Variants in KIAA1217 observed in about 807,000 individuals in gnomAD.
KIAA1217 encodes the protein KIAA1217.
A neutral mutation model predicts 163.9 loss-of-function variants in KIAA1217; 88 were observed. That is an observed-to-expected ratio of 0.54 (90% confidence interval 0.45 to 0.64). KIAA1217 has a LOEUF of 0.64. KIAA1217 is among the 30% of genes least tolerant of loss of function. The pLI, the probability that KIAA1217 is intolerant of heterozygous loss-of-function variation, is 0.00. For missense variants in KIAA1217, 2,372 were observed against 2,475.0 expected (o/e 0.96, Z 0.88); for synonymous variants, 903 against 923.1 (o/e 0.98, Z 0.39).
chr10:24,252,648 A>G, intron 2 of KIAA1217, among the ~76,000 whole-genome samples: 1 of 152,170 alleles, frequency 6.6e-6, no homozygotes, highest in East Asian at 1.9e-4. Context: ...GGAAAAAAAA[A>G]ATAACCATTC....
chr10:23,938,458 A>C (rs957908511), intron 1 of KIAA1217, among the ~76,000 whole-genome samples: 14 of 152,146 alleles, frequency 9.2e-5, no homozygotes, highest in Non-Finnish European at 1.6e-4. Flanking sequence ...TGCATTCTGC[A>C]TCCGTGGTTT....
chr10:24,415,045 C>T (rs1431989042), intron 3 of KIAA1217, among the ~76,000 whole-genome samples: 3 of 151,408 alleles, frequency 2.0e-5, no homozygotes, highest in Non-Finnish European at 2.9e-5. Flanking sequence ...AAGATGGCTG[C>T]TCTTAAAGTC....
chr10:24,244,179 G>A (rs1164320809), intron 2 of KIAA1217, among the ~76,000 whole-genome samples: 2 of 152,138 alleles, frequency 1.3e-5, no homozygotes, highest in Admixed American at 1.3e-4. Context: ...CTCTTTGAAT[G>A]TCATTTTTGG....
At chr10:24,415,905 G>A (rs1212329421) in intron 3 of KIAA1217, among the ~76,000 whole-genome samples, 1 of 152,186 alleles carries the variant, frequency 6.6e-6, no homozygotes, top group African/African-American at 2.4e-5. Context: ...TGTGGCGTGG[G>A]CCTGAGGACG....
chr10:23,715,861 A>G (rs2130747858), intron 1 of KIAA1217, among the ~76,000 whole-genome samples: 1 of 152,304 alleles, frequency 6.6e-6, no homozygotes, highest in Middle Eastern at 3.4e-3. Context: ...AAATGTCATT[A>G]CTCAGTTCAC....
chr10:24,181,621 G>T (rs1452972697), intron 2 of KIAA1217, among the ~76,000 whole-genome samples: 1 of 152,154 alleles, frequency 6.6e-6, no homozygotes, highest in Non-Finnish European at 1.5e-5. Flanking sequence ...AGTTCTAGAA[G>T]GTAACAAGAA....
chr10:24,355,293 T>C (rs1412678113), intron 2 of KIAA1217, among the ~76,000 whole-genome samples: 1 of 152,198 alleles, frequency 6.6e-6, no homozygotes, highest in Non-Finnish European at 1.5e-5. Flanking sequence ...TTTATTATCT[T>C]AGTTTCAGCT....
intron 2 of KIAA1217, among the ~76,000 whole-genome samples, chr10:24,278,788 A>G (rs1359641591): frequency 1.3e-5 from 2 of 151,882 alleles, no homozygotes; most frequent in African/African-American, 4.8e-5. Flanking sequence ...TTAAATAAGA[A>G]CTGAGTTAAA....
chr10:24,462,726 G>T (rs184968646), intron 5 of KIAA1217, among the ~76,000 whole-genome samples: 1 of 152,190 alleles, frequency 6.6e-6, no homozygotes, highest in Admixed American at 6.5e-5. Flanking sequence ...GTGTTTGTGG[G>T]TGGGGTATGG....
chr10:23,938,633 A>T (rs559146580), intron 1 of KIAA1217, among the ~76,000 whole-genome samples: 43 of 152,106 alleles, frequency 2.8e-4, no homozygotes, highest in Non-Finnish European at 1.2e-4. Flanking sequence ...TTTACATTGC[A>T]TTAGGTTTTA....
Position 23,934,625 on chromosome 10 carries a change from A to ATTTTTTTTTTTTT in KIAA1217, c.-320-72590_-320-72589insTTTTTTTTTTTTT, listed in dbSNP as rs1183009109. On this transcript the variant is annotated intron_variant, in intron 1 of 18. Transcript: ENST00000376462. ...TATATATGTATATATATATATATAT[A>ATTTTTTTTTTTTT]TTTTTTTTTTGAGACGGAGTCTCGC... Among the ~76,000 whole-genome samples the ATTTTTTTTTTTTT allele has an allele frequency of 2.9e-4, 20 of 68,524 alleles. 1 individual carries two copies. Among genetic ancestry groups the ATTTTTTTTTTTTT allele is most frequent in the African/African-American group, 9.2e-4 (10 of 10,840 alleles). 45.0% of individuals were successfully genotyped at this position (68,524 alleles called of 152,430 possible).
intron 1 of KIAA1217, among the ~76,000 whole-genome samples, chr10:23,877,118 T>G (rs1056030250): frequency 6.6e-5 from 10 of 152,120 alleles, no homozygotes; most frequent in Admixed American, 5.9e-4. Context: ...CATGTGTCAC[T>G]AGATGCGTTT....
At chr10:23,810,815 A>G (rs1397861580) in intron 1 of KIAA1217, among the ~76,000 whole-genome samples, 1 of 125,136 alleles carries the variant, frequency 8.0e-6, no homozygotes, top group Non-Finnish European at 1.6e-5. Flanking sequence ...ACCAAATACT[A>G]ATTATTATAT....
intron 16 of KIAA1217, 35 bp downstream of exon 16, chr10:24,533,272 C>G: frequency 6.4e-7 from 1 of 1,572,196 alleles, no homozygotes. Flanking sequence ...TGGCTCCTTG[C>G]CTCCCGCCTG....
intron 2 of KIAA1217, among the ~76,000 whole-genome samples, chr10:24,096,112 A>G (rs2062150843): frequency 6.6e-6 from 1 of 152,096 alleles, no homozygotes; most frequent in Admixed American, 6.5e-5. Flanking sequence ...TGTCTTGAAA[A>G]CAAAATGAAA....
At chr10:24,363,362 A>G (rs1323258475) in intron 2 of KIAA1217, among the ~76,000 whole-genome samples, 1 of 152,154 alleles carries the variant, frequency 6.6e-6, no homozygotes, top group Non-Finnish European at 1.5e-5. Flanking sequence ...AGAGATCTCA[A>G]GTGCCATTTA....
chr10:23,934,483 A>G (rs113716576), intron 1 of KIAA1217, among the ~76,000 whole-genome samples: 3,801 of 141,252 alleles, frequency 0.027, 113 homozygotes, highest in African/African-American at 0.063. Context: ...CATTCTGCAC[A>G]TGTATCTCAT....
intron 1 of KIAA1217, among the ~76,000 whole-genome samples, chr10:23,718,648 CTT>C (rs1414826800): frequency 6.6e-6 from 1 of 150,728 alleles, no homozygotes; most frequent in African/African-American, 2.4e-5. Context: ...AAAAAAAAAA[CTT>C]TTACAGAGAT....
At chr10:23,757,583 T>A (rs192145441) in intron 1 of KIAA1217, among the ~76,000 whole-genome samples, 3 of 152,232 alleles carry the variant, frequency 2.0e-5, no homozygotes, top group South Asian at 4.1e-4. Context: ...AGTGGCGTGA[T>A]CTCAGTTCAC....
Sources: gnomAD v4.1 joint callset for allele counts (sites outside exome capture counted in the v4.1 genomes callset) on GRCh38, gnomAD v4.1.1 for gene constraint, MANE v1.5 for transcripts, NCBI Gene and HGNC (gene_info 2026-07-23, HGNC 2026-07-21) for gene names.